SEC24B: variants seen among roughly 807,000 people sequenced by gnomAD.
SEC24B encodes the protein SEC24 homolog B, COPII component, also known as protein transport protein Sec24B.
A neutral mutation model predicts 142.8 loss-of-function variants in SEC24B; 45 were observed. The ratio of observed to expected loss-of-function variants is 0.32; its 90% CI spans 0.25 to 0.40. The LOEUF (loss-of-function observed/expected upper bound fraction) is 0.40, where lower values mean the gene tolerates loss of function less well. Ranked by LOEUF, SEC24B falls within the 10% of genes least tolerant of loss-of-function variation. The pLI, the probability that SEC24B is intolerant of heterozygous loss-of-function variation, is 1.00. For synonymous variants in SEC24B, 574 were observed against 568.2 expected (o/e 1.01, Z -0.15); for missense variants, 1,409 against 1,526.8 (o/e 0.92, Z 1.29).
intron 18 of SEC24B, among the ~76,000 whole-genome samples, chr4:109,528,682 A>ATTCT (rs1724544368): frequency 1.3e-5 from 2 of 152,192 alleles, no homozygotes; most frequent in African/African-American, 4.8e-5. Context: ...TGTAAGTCTA[A>ATTCT]AAAAATCCTT....
rs372826545 is a variant in SEC24B at position 109,509,609 on chromosome 4, G to A, written c.1674-400G>A. Among the ~76,000 whole-genome samples the A allele has an allele frequency of 3.4e-4, 51 of 151,200 alleles. 1 individual carries two copies. Among genetic ancestry groups the A allele is most frequent in the Admixed American group, 3.1e-3 (47 of 15,198 alleles). On this transcript the variant is annotated intron_variant, in intron 7 of 23. Coordinates refer to ENST00000265175, the MANE Select transcript of SEC24B (RefSeq NM_006323.5). ...GGAGAATGGCGTGAACCCAGGAGGC[G>A]GAGCTTGCAGTGAGCCGAGATCGGG...
chr4:109,462,534 T>C (rs1043442710), intron 1 of SEC24B, among the ~76,000 whole-genome samples: 1 of 152,200 alleles, frequency 6.6e-6, no homozygotes, highest in Non-Finnish European at 1.5e-5. Flanking sequence ...GGCTTCTTCA[T>C]AGGGCTGTTC....
At chr4:109,525,583 T>C (rs1211975987) in intron 16 of SEC24B, 79 bp downstream of exon 16, 1 of 889,680 alleles carries the variant, frequency 1.1e-6, no homozygotes, top group Non-Finnish European at 1.7e-6. Context: ...TGACTACCTC[T>C]GACTGTTCAT....
chr4:109,535,381 G>A (rs1012370280), intron 22 of SEC24B, among the ~76,000 whole-genome samples: 2 of 151,760 alleles, frequency 1.3e-5, no homozygotes, highest in Non-Finnish European at 2.9e-5. Context: ...GTGAAACCCC[G>A]TTTCTATTAA....
At chr4:109,464,358 C>T (rs1162507915) in intron 2 of SEC24B, among the ~76,000 whole-genome samples, 2 of 151,180 alleles carry the variant, frequency 1.3e-5, no homozygotes, top group African/African-American at 2.4e-5. Flanking sequence ...TCTCAGCTCA[C>T]GGCAGCCTTG....
At chr4:109,459,329 A>G (rs1163187591) in intron 1 of SEC24B, among the ~76,000 whole-genome samples, 2 of 152,208 alleles carry the variant, frequency 1.3e-5, no homozygotes, top group Non-Finnish European at 2.9e-5. Flanking sequence ...CTAGCTGTAC[A>G]TGGCTGTTGA....
chr4:109,511,126 CTATATATATG>C (rs1406206152), intron 8 of SEC24B, among the ~76,000 whole-genome samples: 1 of 151,242 alleles, frequency 6.6e-6, no homozygotes, highest in Non-Finnish European at 1.5e-5. Flanking sequence ...AAATTGTATA[CTATATATATG>C]TATATATATG....
In SEC24B at chr4:109,533,651, G is replaced by A; in HGVS notation, c.3554G>A (p.Gly1185Glu). 6.2e-7 allele frequency: 1 copy of A among 1,608,318 alleles called. No homozygotes were observed. Among genetic ancestry groups the A allele is most frequent in the Non-Finnish European group, 8.5e-7 (1 of 1,177,896 alleles). Residue 1185 changes from glycine (G) to glutamate (E), a missense_variant, in exon 22 of 24, where the codon GGA becomes GAA. Coordinates refer to ENST00000265175, the MANE Select transcript of SEC24B (RefSeq NM_006323.5). ...AATAACTTCATAGAGGATGTGCTTG[G>A]ATATACTAATTTTGCATCAATACCA... ...CDNNFIEDVL[G>E]YTNFASIPQK...
intron 1 of SEC24B, among the ~76,000 whole-genome samples, chr4:109,456,005 C>G (rs774930413): frequency 2.6e-5 from 4 of 152,176 alleles, no homozygotes; most frequent in Non-Finnish European, 4.4e-5. Context: ...GTCTTCTAAT[C>G]CATGAACACA....
intron 2 of SEC24B, among the ~76,000 whole-genome samples, chr4:109,470,687 A>T (rs942788662): frequency 6.6e-6 from 1 of 152,220 alleles, no homozygotes; most frequent in African/African-American, 2.4e-5. Context: ...AAAACAAAAA[A>T]TTGGAAATAA....
At chr4:109,468,453 G>C (rs1732186880) in intron 2 of SEC24B, among the ~76,000 whole-genome samples, 1 of 152,174 alleles carries the variant, frequency 6.6e-6, no homozygotes, top group Admixed American at 6.5e-5. Context: ...CTCAATTTCT[G>C]CTGGACTGTG....
At chr4:109,476,946 G>T (rs927464291) in intron 3 of SEC24B, among the ~76,000 whole-genome samples, 6 of 151,560 alleles carry the variant, frequency 4.0e-5, no homozygotes, top group African/African-American at 1.5e-4. Flanking sequence ...GACCATCCCG[G>T]CTAAAACGGT....
chr4:109,477,384 C>G (rs1733287846), intron 3 of SEC24B, among the ~76,000 whole-genome samples: 2 of 151,970 alleles, frequency 1.3e-5, no homozygotes, highest in African/African-American at 4.8e-5. Context: ...AGTAGCTCAG[C>G]TCACTGCAGC....
At chr4:109,507,173 T>A (rs1031037187) in intron 7 of SEC24B, among the ~76,000 whole-genome samples, 2 of 152,070 alleles carry the variant, frequency 1.3e-5, no homozygotes, top group African/African-American at 4.8e-5. Context: ...GAATAGGATA[T>A]CCCCCTGGTC....
At chr4:109,437,578 C>G (rs893916076) in intron 1 of SEC24B, among the ~76,000 whole-genome samples, 9 of 152,202 alleles carry the variant, frequency 5.9e-5, no homozygotes, top group Non-Finnish European at 1.2e-4. Flanking sequence ...GTGTGAGCCA[C>G]TGGGCTGGGC....
intron 1 of SEC24B, among the ~76,000 whole-genome samples, chr4:109,449,937 G>C (rs192640794): frequency 3.9e-5 from 6 of 152,324 alleles, no homozygotes; most frequent in African/African-American, 1.2e-4. Flanking sequence ...AAGAGAAGCT[G>C]GATGCAGTGG....
At chr4:109,444,700 A>G (rs1485729697) in intron 1 of SEC24B, among the ~76,000 whole-genome samples, 2 of 152,178 alleles carry the variant, frequency 1.3e-5, no homozygotes, top group Non-Finnish European at 2.9e-5. Flanking sequence ...ATAGAAAATC[A>G]TAGGCTGTAT....
chr4:109,502,663 T>C (rs561960584), intron 6 of SEC24B, among the ~76,000 whole-genome samples: 4 of 152,166 alleles, frequency 2.6e-5, no homozygotes, highest in Non-Finnish European at 5.9e-5. Context: ...GGAATGGGAA[T>C]TGAGTTGGCC....
intron 6 of SEC24B, among the ~76,000 whole-genome samples, chr4:109,500,268 G>A (rs528876147): frequency 6.6e-6 from 1 of 152,118 alleles, no homozygotes; most frequent in Non-Finnish European, 1.5e-5. Flanking sequence ...GACAGGCCAG[G>A]CGCATTGGCT....
Sources: gnomAD v4.1 joint callset for allele counts (sites outside exome capture counted in the v4.1 genomes callset) on GRCh38, gnomAD v4.1.1 for gene constraint, MANE v1.5 for transcripts, NCBI Gene and HGNC (gene_info 2026-07-23, HGNC 2026-07-21) for gene names.